CFAP58: variants seen among roughly 807,000 people sequenced by gnomAD.
CFAP58 encodes cilia and flagella associated protein 58.
CFAP58 carries 88 observed loss-of-function variants against 119.5 expected under a neutral mutation model. The observed-to-expected ratio is 0.74, with a 90% CI of 0.62 to 0.88. The LOEUF (loss-of-function observed/expected upper bound fraction) is 0.88, where lower values mean the gene tolerates loss of function less well. Ranked by LOEUF, CFAP58 falls within the 40% of genes least tolerant of loss-of-function variation. CFAP58 has a pLI of 0.00. For missense variants in CFAP58, 990 were observed against 1,021.2 expected (o/e 0.97, Z 0.42); for synonymous variants, 365 against 366.3 (o/e 1.00, Z 0.04).
At chr10:104,363,796 G>A (rs181319338) in intron 3 of CFAP58, among the ~76,000 whole-genome samples, 1 of 152,348 alleles carries the variant, frequency 6.6e-6, no homozygotes, top group East Asian at 1.9e-4. Context: ...ACAAATTACT[G>A]TGTTTTGAGC....
intron 15 of CFAP58, among the ~76,000 whole-genome samples, chr10:104,411,121 G>A (rs995979050): frequency 2.0e-5 from 3 of 151,938 alleles, no homozygotes; most frequent in African/African-American, 4.8e-5. Flanking sequence ...TGTATTTTTA[G>A]TAGAGACGGG....
chr10:104,375,824 A>C (rs1031700023), intron 7 of CFAP58, among the ~76,000 whole-genome samples: 10 of 152,060 alleles, frequency 6.6e-5, no homozygotes, highest in African/African-American at 2.4e-4. Flanking sequence ...AAATTTAAAC[A>C]TTTTCTGATT....
intron 15 of CFAP58, among the ~76,000 whole-genome samples, chr10:104,422,976 A>G (rs150362762): frequency 9.5e-4 from 145 of 152,286 alleles, no homozygotes; most frequent in African/African-American, 3.4e-3. Flanking sequence ...CTTAAGTTTT[A>G]TTTTAATTGA....
intron 15 of CFAP58, among the ~76,000 whole-genome samples, chr10:104,437,412 C>G (rs1423549384): frequency 6.6e-6 from 1 of 152,218 alleles, no homozygotes; most frequent in African/African-American, 2.4e-5. Flanking sequence ...CTCAGACATC[C>G]CTCCAGCATC....
At chr10:104,419,427 T>A (rs2012617230) in intron 15 of CFAP58, among the ~76,000 whole-genome samples, 1 of 152,166 alleles carries the variant, frequency 6.6e-6, no homozygotes, top group Non-Finnish European at 1.5e-5. Flanking sequence ...CAAATGCTGA[T>A]CTGAGGGCCA....
At chr10:104,394,700 C>G (rs1486154590) in intron 11 of CFAP58, among the ~76,000 whole-genome samples, 2 of 152,206 alleles carry the variant, frequency 1.3e-5, no homozygotes, top group Non-Finnish European at 2.9e-5. Flanking sequence ...CTCCCCCACT[C>G]TAGCTTATGA....
At position 104,418,199 on chromosome 10, in the gene CFAP58, C is replaced by T. The variant is rs73335181; in HGVS notation, c.2256+11406C>T. Among the ~76,000 whole-genome samples, 279 of 152,270 alleles carry T rather than the reference C, an allele frequency of 1.8e-3. 2 individuals carry two copies. Among genetic ancestry groups the T allele is most frequent in the African/African-American group, 6.5e-3 (269 of 41,540 alleles). On this transcript the variant is annotated intron_variant, in intron 15 of 17. Coordinates refer to ENST00000369704, the MANE Select transcript of CFAP58 (RefSeq NM_001008723.2). ...GGTACTGAATAGCTCACAAAGCTGG[C>T]GTTGGTTACTGCCAGGCCCTTTACA...
Position 104,365,803 on chromosome 10 carries a change from G to T in CFAP58, c.598-11G>T, listed in dbSNP as rs116941633. 1.3e-6 allele frequency: 2 copies of T among 1,598,122 alleles called. No individual in the cohort carries two copies. Among genetic ancestry groups the T allele is most frequent in the Admixed American group, 1.8e-5 (1 of 56,948 alleles). ...CATCTCTTTCTCTCTTGTCCTTTCC[G>T]CAACCTCTAGTTCCAACAAGAAATC... On this transcript the variant is annotated splice_polypyrimidine_tract_variant and intron_variant, in intron 4 of 17. Coordinates refer to ENST00000369704, the MANE Select transcript of CFAP58 (RefSeq NM_001008723.2).
chr10:104,444,727 G>T (rs566165579), intron 15 of CFAP58, among the ~76,000 whole-genome samples: 34 of 152,224 alleles, frequency 2.2e-4, no homozygotes, highest in African/African-American at 7.9e-4. Context: ...CAAAATTCAC[G>T]CACAGTGAAG....
At chr10:104,368,979 G>C (rs2014788714) in intron 6 of CFAP58, among the ~76,000 whole-genome samples, 1 of 152,184 alleles carries the variant, frequency 6.6e-6, no homozygotes. Context: ...TTACAGGATT[G>C]TGGAATCATG....
chr10:104,338,850 C>T, the CFAP58 span, among the ~76,000 whole-genome samples: 5 of 151,810 alleles, frequency 3.3e-5, no homozygotes, highest in African/African-American at 1.2e-4. Context: ...TAACTCTAGA[C>T]AAAACGCCAG....
chr10:104,379,406 T>C (rs1228891720), intron 8 of CFAP58, among the ~76,000 whole-genome samples: 1 of 152,254 alleles, frequency 6.6e-6, no homozygotes, highest in Non-Finnish European at 1.5e-5. Context: ...TGCTTATCTG[T>C]TTATCAGTTG....
At chr10:104,357,848 C>CACATATGT (rs2014574046) in intron 1 of CFAP58, among the ~76,000 whole-genome samples, 1 of 50,006 alleles carries the variant, frequency 2.0e-5, no homozygotes, top group Non-Finnish European at 5.3e-5. Context: ...CACATATGTA[C>CACATATGT]ACATATATAC....
chr10:104,357,948 CATAT>C (rs554374749), intron 1 of CFAP58, among the ~76,000 whole-genome samples: 3 of 117,138 alleles, frequency 2.6e-5, no homozygotes. Flanking sequence ...TATATGTACA[CATAT>C]ATACACATAT....
chr10:104,448,706 A>G (rs2013148925), intron 16 of CFAP58, among the ~76,000 whole-genome samples: 1 of 152,238 alleles, frequency 6.6e-6, no homozygotes, highest in Admixed American at 6.5e-5. Context: ...AGGGCAAATG[A>G]AACAAGTCTA....
intron 10 of CFAP58, among the ~76,000 whole-genome samples, chr10:104,392,914 T>G (rs1278225350): frequency 6.6e-6 from 1 of 152,202 alleles, no homozygotes; most frequent in African/African-American, 2.4e-5. Context: ...GTGCTGGGAT[T>G]ACAGGCATGA....
chr10:104,445,148 C>A (rs2133095405), intron 15 of CFAP58, among the ~76,000 whole-genome samples: 1 of 151,640 alleles, frequency 6.6e-6, no homozygotes, highest in Non-Finnish European at 1.5e-5. Flanking sequence ...CATAGCGAGA[C>A]CCCGCCTCTA....
intron 14 of CFAP58, among the ~76,000 whole-genome samples, chr10:104,404,801 C>A (rs567533004): frequency 5.9e-5 from 9 of 152,152 alleles, no homozygotes; most frequent in Admixed American, 3.3e-4. Context: ...AGCAGAGACA[C>A]GGTTTCACCG....
chr10:104,422,568 T>A (rs1360810239), intron 15 of CFAP58, among the ~76,000 whole-genome samples: 1 of 152,230 alleles, frequency 6.6e-6, no homozygotes, highest in Non-Finnish European at 1.5e-5. Flanking sequence ...TTCAACCAGC[T>A]GGTGGATTGG....
Sources: allele counts gnomAD v4.1 joint callset (sites outside exome capture counted in the v4.1 genomes callset), GRCh38; gene constraint gnomAD v4.1.1; transcripts MANE v1.5; gene names NCBI Gene and HGNC (gene_info 2026-07-23, HGNC 2026-07-21).